Variants in MDGA2 observed in about 807,000 individuals in gnomAD.
MDGA2 encodes MAM domain containing glycosylphosphatidylinositol anchor 2.
A neutral mutation model predicts 117.8 loss-of-function variants in MDGA2; 40 were observed. That is an observed-to-expected ratio of 0.34 (90% CI 0.26 to 0.44). The LOEUF (loss-of-function observed/expected upper bound fraction) is 0.44. Among genes scored for constraint, MDGA2 ranks in the 20% least tolerant of loss-of-function variants. The pLI is 1.00. For synonymous variants in MDGA2, 452 were observed against 439.0 expected, an observed-to-expected ratio of 1.03 and a Z score of -0.37; for missense variants, 1,123 against 1,250.6, an observed-to-expected ratio of 0.90 and a Z score of 1.54.
At chr14:47,258,277 T>C (rs923541040) in intron 2 of MDGA2, among the ~76,000 whole-genome samples, 1 of 152,122 alleles carries the variant, frequency 6.6e-6, no homozygotes, top group Non-Finnish European at 1.5e-5. Context: ...GAGGTTTAAT[T>C]GGCTAACAGT....
chr14:47,589,393 G>C (rs1158363481), intron 1 of MDGA2, among the ~76,000 whole-genome samples: 1 of 151,858 alleles, frequency 6.6e-6, no homozygotes, highest in Non-Finnish European at 1.5e-5. Context: ...TCATTCTTTT[G>C]CATGTGCACA....
chr14:47,518,924 C>A (rs1282330109), intron 1 of MDGA2, among the ~76,000 whole-genome samples: 1 of 152,152 alleles, frequency 6.6e-6, no homozygotes, highest in African/African-American at 2.4e-5. Flanking sequence ...AAGTTATAGG[C>A]TGGGCACAGT....
chr14:47,301,659 C>T, intron 1 of MDGA2, 109 bp from the exon 2 acceptor site: 1 of 1,120,048 alleles, frequency 8.9e-7, no homozygotes, highest in Non-Finnish European at 1.3e-6. Context: ...TCACCATAGT[C>T]AGATTAGTCA....
chr14:47,015,085 G>A (rs997500070), intron 8 of MDGA2, among the ~76,000 whole-genome samples: 2 of 152,004 alleles, frequency 1.3e-5, no homozygotes, highest in Non-Finnish European at 2.9e-5. Flanking sequence ...CCAAGGAGGA[G>A]AGGAAGAAAG....
intron 1 of MDGA2, among the ~76,000 whole-genome samples, chr14:47,568,006 C>T (rs1447569177): frequency 6.6e-6 from 1 of 152,074 alleles, no homozygotes; most frequent in Non-Finnish European, 1.5e-5. Flanking sequence ...TTCCTGGGCT[C>T]ACTCCCATGT....
At chr14:47,602,830 G>A (rs1183940739) in intron 1 of MDGA2, among the ~76,000 whole-genome samples, 1 of 152,120 alleles carries the variant, frequency 6.6e-6, no homozygotes, top group Non-Finnish European at 1.5e-5. Context: ...ATAGAGAAAT[G>A]GCTCCACAGT....
chr14:47,080,798 G>A (rs193266877), intron 6 of MDGA2, among the ~76,000 whole-genome samples: 20 of 152,016 alleles, frequency 1.3e-4, no homozygotes, highest in African/African-American at 3.9e-4. Flanking sequence ...ATCATCCTCC[G>A]GCACTCTGCT....
At chr14:47,001,405 C>G (rs891000755) in intron 8 of MDGA2, among the ~76,000 whole-genome samples, 1 of 151,900 alleles carries the variant, frequency 6.6e-6, no homozygotes, top group Non-Finnish European at 1.5e-5. Flanking sequence ...ACACTAAGCA[C>G]TATGAAAACA....
chr14:46,895,047 C>T (rs1056889629), intron 10 of MDGA2, among the ~76,000 whole-genome samples: 1 of 152,092 alleles, frequency 6.6e-6, no homozygotes, highest in African/African-American at 2.4e-5. Context: ...ACAAAAATAT[C>T]CAGGAGGTAG....
chr14:47,344,207 T>C (rs1032431587), intron 1 of MDGA2, among the ~76,000 whole-genome samples: 1 of 152,202 alleles, frequency 6.6e-6, no homozygotes, highest in Non-Finnish European at 1.5e-5. Flanking sequence ...TCTTTAGTTT[T>C]GGCATGTGCA....
intron 1 of MDGA2, among the ~76,000 whole-genome samples, chr14:47,403,882 T>C (rs1892206618): frequency 6.6e-6 from 1 of 152,110 alleles, no homozygotes; most frequent in South Asian, 2.1e-4. Context: ...GGGATGTCCT[T>C]ATCTCTGAAG....
intron 1 of MDGA2, among the ~76,000 whole-genome samples, chr14:47,596,720 ACAT>A (rs1896550406): frequency 6.6e-6 from 1 of 152,344 alleles, no homozygotes; most frequent in South Asian, 2.1e-4. Context: ...TAAACATGTA[ACAT>A]CTCCCAGGCA....
chr14:46,960,676 T>C (rs1054144261), intron 8 of MDGA2: 2 of 151,696 alleles, frequency 1.3e-5, no homozygotes, highest in Non-Finnish European at 2.9e-5. Flanking sequence ...TACACACACA[T>C]ATACATACAT....
At chr14:47,114,200 G>T (rs1881199664) in intron 5 of MDGA2, among the ~76,000 whole-genome samples, 1 of 151,940 alleles carries the variant, frequency 6.6e-6, no homozygotes, top group Non-Finnish European at 1.5e-5. Context: ...AAATACCAAA[G>T]GAATACAGCT....
chr14:47,004,752 C>T (rs920140984), intron 8 of MDGA2, among the ~76,000 whole-genome samples: 6 of 151,702 alleles, frequency 4.0e-5, no homozygotes, highest in African/African-American at 1.4e-4. Context: ...ATGTTTTTCT[C>T]TCAGCAGTAT....
intron 1 of MDGA2, among the ~76,000 whole-genome samples, chr14:47,365,172 T>C (rs1011839532): frequency 1.3e-5 from 2 of 152,350 alleles, no homozygotes; most frequent in South Asian, 4.1e-4. Context: ...CGCCTCTCAA[T>C]AGTATATTAT....
At chr14:47,399,015 C>T (rs1252337435) in intron 1 of MDGA2, among the ~76,000 whole-genome samples, 1 of 152,118 alleles carries the variant, frequency 6.6e-6, no homozygotes, top group Non-Finnish European at 1.5e-5. Context: ...ACTCTTTCAA[C>T]AAATACTTAG....
chr14:46,866,264 C>G (rs1412236338), intron 14 of MDGA2, among the ~76,000 whole-genome samples: 2 of 152,042 alleles, frequency 1.3e-5, no homozygotes, highest in Admixed American at 1.3e-4. Context: ...TGATCTTTGA[C>G]AAACCTGAGA....
intron 1 of MDGA2, among the ~76,000 whole-genome samples, chr14:47,596,440 T>C (rs767484432): frequency 6.6e-6 from 1 of 152,144 alleles, no homozygotes; most frequent in African/African-American, 2.4e-5. Context: ...CATATTTATG[T>C]TTTTCTTTGA....
Sources: gnomAD v4.1 joint callset for allele counts (sites outside exome capture counted in the v4.1 genomes callset) on GRCh38, gnomAD v4.1.1 for gene constraint, MANE v1.5 for transcripts, NCBI Gene and HGNC (gene_info 2026-07-23, HGNC 2026-07-21) for gene names.